The following ARMH3 variants were observed in gnomAD, a reference collection of about 807,000 sequenced individuals.
ARMH3 encodes the protein armadillo-like helical domain-containing protein 3.
Under a neutral mutation model 99.1 loss-of-function variants are expected in ARMH3, and 60 were observed. The observed-to-expected ratio is 0.61, with a 90% CI of 0.49 to 0.75. The LOEUF (loss-of-function observed/expected upper bound fraction) is 0.75. Ranked by LOEUF, ARMH3 falls within the 30% of genes least tolerant of loss-of-function variation. The pLI, the probability that ARMH3 is intolerant of heterozygous loss-of-function variation, is 0.00. For missense variants in ARMH3, 679 were observed against 843.1 expected (o/e 0.81, Z 2.41); for synonymous variants, 285 against 292.8 (o/e 0.97, Z 0.27).
intron 23 of ARMH3, among the ~76,000 whole-genome samples, chr10:101,902,745 C>T (rs758780599): frequency 1.3e-5 from 2 of 152,072 alleles, no homozygotes; most frequent in African/African-American, 2.4e-5. Flanking sequence ...TACTCAGAAC[C>T]AAGCAGCGCT....
chr10:101,962,982 T>C (rs1453938377), intron 20 of ARMH3, among the ~76,000 whole-genome samples: 2 of 150,622 alleles, frequency 1.3e-5, no homozygotes, highest in Admixed American at 1.3e-4. Context: ...TTTTTTTTTT[T>C]TTTTTGAGAC....
intron 23 of ARMH3, among the ~76,000 whole-genome samples, chr10:101,901,147 T>C (rs2067966149): frequency 1.3e-5 from 2 of 150,222 alleles, no homozygotes; most frequent in South Asian, 4.3e-4. Flanking sequence ...GAGGATCTCA[T>C]GTGCACAAAG....
At chr10:101,875,232 GA>G (rs200513572) in intron 24 of ARMH3, among the ~76,000 whole-genome samples, 78 of 141,644 alleles carry the variant, frequency 5.5e-4, no homozygotes, top group Admixed American at 7.7e-4. Context: ...CAAAGTGACT[GA>G]AAAAAAAAAA....
chr10:101,986,532 G>A (rs1171429750), intron 19 of ARMH3, among the ~76,000 whole-genome samples: 3 of 150,990 alleles, frequency 2.0e-5, no homozygotes, highest in African/African-American at 7.3e-5. Flanking sequence ...TTTCATTTCT[G>A]ACCCAGATTC....
chr10:102,015,466 C>T (rs1158627634), intron 8 of ARMH3, among the ~76,000 whole-genome samples: 2 of 151,460 alleles, frequency 1.3e-5, no homozygotes, highest in South Asian at 2.1e-4. Flanking sequence ...TCTCAGCTCA[C>T]CACAACCTCT....
At chr10:102,006,266 A>G (rs567648993) in intron 14 of ARMH3, among the ~76,000 whole-genome samples, 56 of 152,364 alleles carry the variant, frequency 3.7e-4, no homozygotes, top group African/African-American at 1.3e-3. Flanking sequence ...GACAGGCATT[A>G]CTGACCTTGC....
intron 23 of ARMH3, among the ~76,000 whole-genome samples, chr10:101,894,702 G>T (rs2067776043): frequency 6.6e-6 from 1 of 152,058 alleles, no homozygotes; most frequent in African/African-American, 2.4e-5. Context: ...TGGGGAGGGG[G>T]TTTCTGGGAG....
At chr10:101,864,932 C>T (rs2066963469) in intron 24 of ARMH3, among the ~76,000 whole-genome samples, 1 of 151,276 alleles carries the variant, frequency 6.6e-6, no homozygotes, top group Admixed American at 6.6e-5. Flanking sequence ...AGCCCTGACG[C>T]AGCTCAAAAA....
At chr10:101,942,977 C>A (rs7917378) in intron 22 of ARMH3, among the ~76,000 whole-genome samples, 31,924 of 151,852 alleles carry the variant, frequency 0.21, 3,716 homozygotes, top group East Asian at 0.52. Flanking sequence ...GGTTGTCAGA[C>A]ATTGGAAAAC....
intron 22 of ARMH3, among the ~76,000 whole-genome samples, chr10:101,950,578 A>G (rs1444755267): frequency 6.6e-6 from 1 of 152,250 alleles, no homozygotes; most frequent in African/African-American, 2.4e-5. Flanking sequence ...GATAAATAAA[A>G]TGTGGTATAT....
intron 15 of ARMH3, among the ~76,000 whole-genome samples, chr10:102,001,020 T>A (rs1205445920): frequency 1.3e-5 from 2 of 152,102 alleles, no homozygotes; most frequent in Non-Finnish European, 2.9e-5. Context: ...TTTCACCATG[T>A]TGGCCAGGCT....
intron 1 of ARMH3, among the ~76,000 whole-genome samples, chr10:102,047,813 C>T (rs529782009): frequency 6.6e-6 from 1 of 152,230 alleles, no homozygotes; most frequent in Admixed American, 6.5e-5. Context: ...AACAATCACT[C>T]CAGATCAGTG....
At chr10:101,986,060 A>G (rs1002404571) in intron 19 of ARMH3, among the ~76,000 whole-genome samples, 1 of 152,076 alleles carries the variant, frequency 6.6e-6, no homozygotes, top group Non-Finnish European at 1.5e-5. Context: ...ACACACACAC[A>G]AACACACACA....
At chr10:102,051,303 T>C (rs1253135340) in intron 1 of ARMH3, among the ~76,000 whole-genome samples, 2 of 150,156 alleles carry the variant, frequency 1.3e-5, no homozygotes, top group Admixed American at 6.6e-5. Context: ...TGAAACACCA[T>C]CTCTACTAAA....
intron 23 of ARMH3, among the ~76,000 whole-genome samples, chr10:101,913,785 C>T (rs1394696454): frequency 1.3e-5 from 2 of 152,180 alleles, no homozygotes; most frequent in Non-Finnish European, 1.5e-5. Flanking sequence ...CATGACTGCA[C>T]AAAAGGGAGG....
At chr10:101,886,238 G>T (rs915507535) in intron 24 of ARMH3, among the ~76,000 whole-genome samples, 1 of 152,036 alleles carries the variant, frequency 6.6e-6, no homozygotes, top group Non-Finnish European at 1.5e-5. Context: ...ACCAGGCTGG[G>T]TGCAGTGGCT....
At chr10:101,909,615 G>A (rs542788251) in intron 23 of ARMH3, among the ~76,000 whole-genome samples, 9 of 151,854 alleles carry the variant, frequency 5.9e-5, no homozygotes, top group South Asian at 2.1e-4. Context: ...AACCACAGGC[G>A]CGTGCCACCA....
chr10:102,027,664 G>A (rs910543593), intron 5 of ARMH3, among the ~76,000 whole-genome samples: 1 of 152,026 alleles, frequency 6.6e-6, no homozygotes, highest in Non-Finnish European at 1.5e-5. Context: ...ACACTTAGCA[G>A]TCATCAACAT....
chr10:101,976,410 TCTCA>T (rs1385324234), intron 19 of ARMH3, among the ~76,000 whole-genome samples: 100 of 128,210 alleles, frequency 7.8e-4, no homozygotes, highest in Admixed American at 1.1e-3. Flanking sequence ...TCTCTCTCTC[TCTCA>T]CACACACACA....
Sources: gnomAD v4.1 joint callset for allele counts (sites outside exome capture counted in the v4.1 genomes callset) on GRCh38, gnomAD v4.1.1 for gene constraint, MANE v1.5 for transcripts, NCBI Gene and HGNC (gene_info 2026-07-23, HGNC 2026-07-21) for gene names.